PIWIL1: variants seen among roughly 807,000 people sequenced by gnomAD.
PIWIL1 encodes piwi like RNA-mediated gene silencing 1.
In PIWIL1, 73 loss-of-function variants were observed where a neutral mutation model predicts 114.4. The observed-to-expected ratio is 0.64, with a 90% CI of 0.53 to 0.78. The LOEUF is 0.78. PIWIL1 is among the 30% of genes least tolerant of loss of function. The probability of loss-of-function intolerance (pLI) is 0.00; values close to 1 mark genes in which losing one functional copy is unlikely to be tolerated. For missense variants in PIWIL1, 723 were observed against 1,063.1 expected, an observed-to-expected ratio of 0.68 and a Z score of 4.45; for synonymous variants, 375 against 369.0, an observed-to-expected ratio of 1.02 and a Z score of -0.19.
the PIWIL1 span, among the ~76,000 whole-genome samples, chr12:130,388,009 G>C: frequency 6.6e-6 from 1 of 152,168 alleles, no homozygotes; most frequent in African/African-American, 2.4e-5. Context: ...AGAGTAGAGC[G>C]AGTTGATTTT....
chr12:130,424,209 G>T, the PIWIL1 span: 4 of 1,231,952 alleles, frequency 3.2e-6, no homozygotes, highest in Admixed American at 8.4e-5. The surrounding 1 kb of genome is among the most constrained non-coding windows in gnomAD (Gnocchi z 9.8). Flanking sequence ...GTCGGGCATG[G>T]TTATGCTTTT....
chr12:130,340,234 G>A (rs2072868501), intron 1 of PIWIL1, among the ~76,000 whole-genome samples: 1 of 152,114 alleles, frequency 6.6e-6, no homozygotes, highest in Non-Finnish European at 1.5e-5. Flanking sequence ...TGTAGGGTGA[G>A]TCACGGAATT....
chr12:130,403,867 C>A, the PIWIL1 span, among the ~76,000 whole-genome samples: 1 of 152,128 alleles, frequency 6.6e-6, no homozygotes, highest in Non-Finnish European at 1.5e-5. Flanking sequence ...CAGTAATTTA[C>A]TGATGAAAAA....
intron 19 of PIWIL1, among the ~76,000 whole-genome samples, chr12:130,369,936 C>T (rs577825068): frequency 8.5e-5 from 13 of 152,180 alleles, no homozygotes; most frequent in South Asian, 8.3e-4. Flanking sequence ...CTGAGAAGCC[C>T]GCTCTTAATG....
intron 16 of PIWIL1, among the ~76,000 whole-genome samples, chr12:130,362,480 C>T (rs1184960570): frequency 3.9e-5 from 6 of 152,130 alleles, no homozygotes; most frequent in African/African-American, 1.2e-4. Flanking sequence ...ACCTGGACAG[C>T]GCCTCTGGGT....
At chr12:130,351,721 G>A (rs1416535876) in intron 9 of PIWIL1, 4 of 152,108 alleles carry the variant, frequency 2.6e-5, no homozygotes, top group African/African-American at 9.7e-5. Flanking sequence ...TCTTTTGTCC[G>A]GTTCTGTCAC....
chr12:130,340,041 G>T (rs1452539929), intron 1 of PIWIL1, among the ~76,000 whole-genome samples: 1 of 152,170 alleles, frequency 6.6e-6, no homozygotes, highest in African/African-American at 2.4e-5. Context: ...AAGCTATGGA[G>T]TGCAGAGATG....
chr12:130,349,669 T>C (rs1025582276), intron 8 of PIWIL1, among the ~76,000 whole-genome samples, 187 bp from the exon 9 acceptor site: 8 of 152,232 alleles, frequency 5.3e-5, no homozygotes, highest in African/African-American at 1.9e-4. Context: ...TTATTTTCTG[T>C]AAGTAATTTA....
intron 3 of PIWIL1, among the ~76,000 whole-genome samples, chr12:130,343,621 CTTTTTTTT>C (rs533583982): frequency 7.7e-5 from 9 of 116,488 alleles, no homozygotes; most frequent in Admixed American, 9.0e-5. Flanking sequence ...TTGAAGGATT[CTTTTTTTT>C]TTTTTTTTTT....
intron 3 of PIWIL1, 82 bp from the exon 4 acceptor site, chr12:130,345,671 C>A: frequency 1.4e-6 from 2 of 1,442,440 alleles, no homozygotes; most frequent in Non-Finnish European, 1.9e-6. Context: ...CTTTGGATTA[C>A]ACATAATAGC....
the PIWIL1 span, among the ~76,000 whole-genome samples, chr12:130,405,484 A>T: frequency 1.3e-5 from 2 of 152,158 alleles, no homozygotes; most frequent in Admixed American, 1.3e-4. Context: ...GCAGGGTCCT[A>T]AGTGGCCCTG....
intron 7 of PIWIL1, among the ~76,000 whole-genome samples, chr12:130,348,616 TA>T (rs2073132998): frequency 6.6e-6 from 1 of 152,076 alleles, no homozygotes; most frequent in African/African-American, 2.4e-5. Flanking sequence ...AAATAAGAAA[TA>T]AAAGGCCGGG....
chr12:130,382,653 T>C, the PIWIL1 span, among the ~76,000 whole-genome samples: 1 of 152,224 alleles, frequency 6.6e-6, no homozygotes, highest in Non-Finnish European at 1.5e-5. Flanking sequence ...CAGTAAATCA[T>C]TGATAAAATC....
chr12:130,408,022 T>C, the PIWIL1 span, among the ~76,000 whole-genome samples: 5 of 152,154 alleles, frequency 3.3e-5, no homozygotes, highest in Admixed American at 3.3e-4. Flanking sequence ...CATATTCTTA[T>C]ATTTTTGCTG....
the PIWIL1 span, among the ~76,000 whole-genome samples, chr12:130,403,318 C>T: frequency 8.5e-5 from 13 of 152,090 alleles, no homozygotes; most frequent in African/African-American, 2.4e-4. Context: ...TAAAAAGAAG[C>T]ATACGTTTCA....
chr12:130,346,227 A>T (rs2073064174), intron 4 of PIWIL1, 143 bp from the exon 5 acceptor site: 3 of 636,908 alleles, frequency 4.7e-6, no homozygotes, highest in Non-Finnish European at 8.1e-6. Flanking sequence ...TGGTCTCCAA[A>T]GTCAGATGTC....
chr12:130,347,480 C>T (rs1425796115), intron 6 of PIWIL1, among the ~76,000 whole-genome samples: 1 of 152,164 alleles, frequency 6.6e-6, no homozygotes, highest in Non-Finnish European at 1.5e-5. Flanking sequence ...AAAAGCAAGA[C>T]ACGTGTTCTG....
the PIWIL1 span, among the ~76,000 whole-genome samples, chr12:130,392,495 C>T: frequency 0.033 from 69 of 2,118 alleles, 9 homozygotes; most frequent in African/African-American, 0.063. Flanking sequence ...ACCGTCATCA[C>T]GTGTCCGTCA....
the PIWIL1 span, among the ~76,000 whole-genome samples, chr12:130,409,985 G>A: frequency 6.6e-6 from 1 of 152,230 alleles, no homozygotes; most frequent in East Asian, 1.9e-4. Flanking sequence ...GTTTTGCAGA[G>A]CGGTGATGCC....
Sources: allele counts gnomAD v4.1 joint callset (sites outside exome capture counted in the v4.1 genomes callset), GRCh38; gene constraint gnomAD v4.1.1; non-coding constraint Gnocchi (gnomAD v3.1); transcripts MANE v1.5; gene names NCBI Gene and HGNC (gene_info 2026-07-23, HGNC 2026-07-21).